Variants in TMEM135 observed in about 807,000 individuals in gnomAD.
The protein encoded by TMEM135 is transmembrane protein 135, also known as peroxisomal membrane protein 52.
A neutral mutation model predicts 60.3 loss-of-function variants in TMEM135; 30 were observed. The ratio of observed to expected loss-of-function variants is 0.50; its 90% CI spans 0.37 to 0.68. The LOEUF (loss-of-function observed/expected upper bound fraction) is 0.68, where lower values mean the gene tolerates loss of function less well. Ranked by LOEUF, TMEM135 falls within the 30% of genes least tolerant of loss-of-function variation. TMEM135 has a pLI of 0.00. For synonymous variants in TMEM135, 190 were observed against 186.7 expected (o/e 1.02, Z -0.14); for missense variants, 468 against 548.8 (o/e 0.85, Z 1.47).
intron 5 of TMEM135, among the ~76,000 whole-genome samples, chr11:87,218,337 G>A (rs1940546607): frequency 6.6e-6 from 1 of 152,084 alleles, no homozygotes; most frequent in African/African-American, 2.4e-5. Context: ...CTTTGGCAAA[G>A]GTATGAAGTA....
In TMEM135 at chr11:87,067,773, T is replaced by A. The variant is rs766849912; in HGVS notation, c.221T>A (p.Phe74Tyr). 1.9e-6 allele frequency: 3 copies of A among 1,613,984 alleles called. No homozygotes were observed. Among genetic ancestry groups the A allele is most frequent in the Non-Finnish European group, 2.5e-6 (3 of 1,179,928 alleles). ...CCTGAGATCCTACAATCCGCTTCATTTCTAACTGCTAATGGGGCCTTGTAT... is the reference window on the plus strand; with the variant it reads ...CCTGAGATCCTACAATCCGCTTCATATCTAACTGCTAATGGGGCCTTGTAT... ...LLPEILQSASFLTANGALYMA... is the reference protein window; with the variant it reads ...LLPEILQSASYLTANGALYMA... Residue 74 changes from phenylalanine (F) to tyrosine (Y), a missense_variant, in exon 2 of 15, where the codon TTT (phenylalanine) becomes TAT (tyrosine). By Grantham distance (22) the Phe-to-Tyr change is conservative. Transcript: ENST00000305494.
Position 87,323,532 on chromosome 11 carries a change from A to G in TMEM135, c.*2199A>G. Reference sequence around the variant, plus strand: ...AAAATAGATCTCTGCATTCCAAAATATGTTTTTTAGTTTATTTATATCCTG... The same window carrying G: ...AAAATAGATCTCTGCATTCCAAAATGTGTTTTTTAGTTTATTTATATCCTG... On this transcript the variant is annotated 3_prime_UTR_variant, in exon 15 of 15. Transcript: ENST00000305494. The G allele has an allele frequency of 2.2e-6, 1 of 453,216 alleles. No individual in the cohort carries two copies. The highest frequency in any genetic ancestry group is 4.4e-6 in the Non-Finnish European group (1 of 226,542). The allele number at this position is 453,216 out of a possible 1,614,324, so 28.1% of individuals were successfully genotyped here.
intron 4 of TMEM135, among the ~76,000 whole-genome samples, chr11:87,115,685 T>C (rs1857862163): frequency 6.6e-6 from 1 of 152,148 alleles, no homozygotes; most frequent in Non-Finnish European, 1.5e-5. Flanking sequence ...ATTCACCTTT[T>C]TAGAGAGTAT....
intron 4 of TMEM135, among the ~76,000 whole-genome samples, chr11:87,116,194 T>A (rs886965923): frequency 6.6e-6 from 1 of 152,164 alleles, no homozygotes; most frequent in Admixed American, 6.5e-5. Flanking sequence ...ATTGTCATAG[T>A]TTAAAATGTA....
intron 10 of TMEM135, among the ~76,000 whole-genome samples, chr11:87,312,194 C>A (rs1942650938): frequency 1.4e-5 from 2 of 144,696 alleles, no homozygotes; most frequent in South Asian, 4.3e-4. Flanking sequence ...TCTTTTTCAG[C>A]CTTCTGGATT....
intron 3 of TMEM135, among the ~76,000 whole-genome samples, chr11:87,086,991 G>T (rs530357028): frequency 1.4e-4 from 22 of 152,256 alleles, no homozygotes; most frequent in African/African-American, 5.3e-4. Context: ...TGCTGATGGG[G>T]GTGCTGTTTT....
At chr11:87,045,187 G>A (rs1242759903) in intron 1 of TMEM135, among the ~76,000 whole-genome samples, 6 of 151,750 alleles carry the variant, frequency 4.0e-5, no homozygotes, top group Non-Finnish European at 8.8e-5. Context: ...CTGCCACCAC[G>A]CCCAGCTAAT....
At chr11:87,315,591 G>C (rs969311115) in intron 12 of TMEM135, among the ~76,000 whole-genome samples, 1 of 151,916 alleles carries the variant, frequency 6.6e-6, no homozygotes, top group Non-Finnish European at 1.5e-5. Flanking sequence ...ATTTCATTAA[G>C]AGTTGCAAAA....
intron 5 of TMEM135, among the ~76,000 whole-genome samples, chr11:87,193,228 G>C (rs1400211738): frequency 1.3e-5 from 2 of 152,138 alleles, no homozygotes; most frequent in African/African-American, 2.4e-5. Flanking sequence ...ACCTGCTCTT[G>C]AGGAGCTTGT....
intron 6 of TMEM135, among the ~76,000 whole-genome samples, chr11:87,269,204 T>C (rs1941811882): frequency 6.6e-6 from 1 of 151,232 alleles, no homozygotes; most frequent in Non-Finnish European, 1.5e-5. Flanking sequence ...CTACTACACA[T>C]TGTCCCCGAG....
intron 5 of TMEM135, chr11:87,157,977 GCT>G (rs1340435670): frequency 6.6e-6 from 1 of 152,588 alleles, no homozygotes; most frequent in African/African-American, 2.4e-5. Context: ...CACTTTGTCT[GCT>G]CTTTCTTTAT....
chr11:87,066,840 G>A (rs1020812390), intron 1 of TMEM135, among the ~76,000 whole-genome samples: 2 of 148,682 alleles, frequency 1.3e-5, no homozygotes, highest in Non-Finnish European at 3.0e-5. Flanking sequence ...GAGTGCAGTG[G>A]CACAATCTGG....
chr11:87,307,786 C>T (rs1301854612), intron 9 of TMEM135, among the ~76,000 whole-genome samples: 1 of 152,140 alleles, frequency 6.6e-6, no homozygotes, highest in African/African-American at 2.4e-5. Flanking sequence ...AACTTAATTA[C>T]ACCATATGTT....
chr11:87,120,603 G>A (rs1858029974), intron 4 of TMEM135, among the ~76,000 whole-genome samples: 1 of 150,768 alleles, frequency 6.6e-6, no homozygotes, highest in Admixed American at 6.7e-5. Flanking sequence ...TCGTAGTTGG[G>A]ACTACAAGCA....
At chr11:87,282,027 G>A (rs117820241) in intron 6 of TMEM135, among the ~76,000 whole-genome samples, 2,494 of 152,292 alleles carry the variant, frequency 0.016, 25 homozygotes, top group Admixed American at 0.026. Context: ...GAATCCTGTG[G>A]AGATTTTGTT....
In TMEM135 at chr11:87,313,430, T is replaced by G; in HGVS notation, c.942T>G (p.Thr314=). The part of the protein sequence containing the change: ...LGSFVSIYKG[T]SCFLRWIRNL... ...TGTATTTTCTCCTTAACTAGGGTACTAGTTGCTTCCTGCGCTGGATCAGAA... is the reference window on the plus strand; with the variant it reads ...TGTATTTTCTCCTTAACTAGGGTACGAGTTGCTTCCTGCGCTGGATCAGAA... The change falls in exon 11 of 15, where the codon ACT becomes ACG. Residue 314 remains threonine, a synonymous_variant. Coordinates refer to ENST00000305494, the MANE Select transcript of TMEM135 (RefSeq NM_022918.4). The G allele has an allele frequency of 6.2e-7, 1 of 1,610,618 alleles. No individual in the cohort carries two copies. The highest frequency in any genetic ancestry group is 8.5e-7 in the Non-Finnish European group (1 of 1,177,376).
chr11:87,207,090 C>T (rs1940251939), intron 5 of TMEM135, among the ~76,000 whole-genome samples: 1 of 152,074 alleles, frequency 6.6e-6, no homozygotes, highest in African/African-American at 2.4e-5. Context: ...TCTGATTAAA[C>T]TCATTGATGA....
chr11:87,042,366 G>A (rs919879581), intron 1 of TMEM135, among the ~76,000 whole-genome samples: 1 of 152,206 alleles, frequency 6.6e-6, no homozygotes, highest in Non-Finnish European at 1.5e-5. Context: ...GTCAAACAAG[G>A]TAGGTCAGAT....
chr11:87,112,224 A>G (rs144217116), intron 4 of TMEM135, among the ~76,000 whole-genome samples: 2 of 152,182 alleles, frequency 1.3e-5, no homozygotes, highest in Non-Finnish European at 2.9e-5. Flanking sequence ...GTGTTAAATC[A>G]TTTTATGTGA....
Sources: gnomAD v4.1 joint callset for allele counts (sites outside exome capture counted in the v4.1 genomes callset) on GRCh38, gnomAD v4.1.1 for gene constraint, MANE v1.5 for transcripts, NCBI Gene and HGNC (gene_info 2026-07-23, HGNC 2026-07-21) for gene names.